The following TENM4 variants were observed in gnomAD, a reference collection of about 807,000 sequenced individuals.
TENM4 encodes teneurin-4.
A neutral mutation model predicts 243.3 loss-of-function variants in TENM4; 82 were observed. The ratio of observed to expected loss-of-function variants is 0.34; its 90% CI spans 0.28 to 0.40. The LOEUF is 0.40. Ranked by LOEUF, TENM4 falls within the 10% of genes least tolerant of loss-of-function variation. The pLI is 1.00. For synonymous variants in TENM4, 1,412 were observed against 1,456.3 expected, an observed-to-expected ratio of 0.97 and a Z score of 0.69; for missense variants, 3,138 against 3,673.3, an observed-to-expected ratio of 0.85 and a Z score of 3.77.
chr11:79,014,586 G>C (rs1430997459), intron 6 of TENM4: 1 of 152,190 alleles, frequency 6.6e-6, no homozygotes, highest in East Asian at 1.9e-4. Context: ...CACTTCATTA[G>C]GCCCCAAATG....
In TENM4 at chr11:79,111,430, AG is replaced by A. The variant is rs560537355; in HGVS notation, c.-66+37279del. ...CATGATGGCGGGCACCTGTAGTCTC[AG>A]CTACTTGGGAGGCTGAGGCAGGAGA... On this transcript the variant is annotated intron_variant, in intron 4 of 33. Coordinates refer to ENST00000278550, the MANE Select transcript of TENM4 (RefSeq NM_001098816.3). Among the ~76,000 whole-genome samples, 59 of 152,240 alleles carry A rather than the reference AG, an allele frequency of 3.9e-4. No homozygotes were observed. The South Asian group carries it at 0.011, about 29-fold the overall frequency.
chr11:79,137,546 TAGA>T (rs1862133711), intron 4 of TENM4, among the ~76,000 whole-genome samples: 2 of 152,154 alleles, frequency 1.3e-5, no homozygotes, highest in African/African-American at 2.4e-5. Flanking sequence ...GAATGTGTAG[TAGA>T]AGAAGGTTGT....
At chr11:78,732,835 T>C (rs1855700021) in intron 20 of TENM4, among the ~76,000 whole-genome samples, 1 of 152,174 alleles carries the variant, frequency 6.6e-6, no homozygotes, top group Non-Finnish European at 1.5e-5. Flanking sequence ...GAGCCATTTT[T>C]CAGGATACAC....
At chr11:79,239,772 G>A (rs942366722) in intron 2 of TENM4, among the ~76,000 whole-genome samples, 5 of 152,070 alleles carry the variant, frequency 3.3e-5, no homozygotes, top group African/African-American at 7.2e-5. Context: ...CTAGACCTGT[G>A]GGCTAAACAT....
chr11:78,988,856 T>G (rs1263925469), intron 6 of TENM4, among the ~76,000 whole-genome samples: 3 of 152,236 alleles, frequency 2.0e-5, no homozygotes, highest in Admixed American at 6.5e-5. Context: ...TTTTACTTTT[T>G]TGTGGAGACA....
At position 78,765,996 on chromosome 11, in the gene TENM4, G is replaced by C. The variant is rs567526338; in HGVS notation, c.2539+4996C>G. On this transcript the variant is annotated intron_variant, in intron 18 of 33. Coordinates refer to ENST00000278550, the MANE Select transcript of TENM4 (RefSeq NM_001098816.3). ...AAAATAGAATGTAAAATTTTATAGAGGACATAATTCCAATTTTTAAAAATA... is the reference window on the plus strand; with the variant it reads ...AAAATAGAATGTAAAATTTTATAGACGACATAATTCCAATTTTTAAAAATA... 3.1e-4 allele frequency among the ~76,000 whole-genome samples: 47 copies of C among 152,106 alleles called. 1 individual carries two copies. In the South Asian group the frequency reaches 9.6e-3, roughly 31 times the overall value.
intron 32 of TENM4, among the ~76,000 whole-genome samples, chr11:78,665,647 G>C (rs1367868907): frequency 6.6e-6 from 1 of 152,184 alleles, no homozygotes; most frequent in African/African-American, 2.4e-5. Flanking sequence ...TTTGGAATCA[G>C]AGCAGAGTTC....
intron 2 of TENM4, among the ~76,000 whole-genome samples, chr11:79,217,465 T>C (rs1011868519): frequency 6.6e-6 from 1 of 152,188 alleles, no homozygotes. Flanking sequence ...TTTTCCCAAA[T>C]AGATCTAGGA....
chr11:78,800,736 GGAGAGAGAGAGAGAGA>G (rs5792816), intron 15 of TENM4, among the ~76,000 whole-genome samples: 1 of 144,374 alleles, frequency 6.9e-6, no homozygotes, highest in Non-Finnish European at 1.5e-5. Context: ...AGTTCACAGG[GGAGAGAGAGAGAGAGA>G]GAGAGAGAGA....
intron 4 of TENM4, among the ~76,000 whole-genome samples, chr11:79,076,091 C>T (rs2137016180): frequency 6.6e-6 from 1 of 152,266 alleles, no homozygotes; most frequent in South Asian, 2.1e-4. Context: ...GGAGAGTAGG[C>T]CCAGAGGAGA....
intron 3 of TENM4, among the ~76,000 whole-genome samples, chr11:79,188,667 T>G (rs1590778230): frequency 1.2e-4 from 14 of 121,032 alleles, no homozygotes; most frequent in East Asian, 4.9e-4. Flanking sequence ...GAAGTGAGGA[T>G]GGGGATGGGG....
chr11:78,930,362 T>C (rs1219762462), intron 6 of TENM4, among the ~76,000 whole-genome samples: 1 of 152,220 alleles, frequency 6.6e-6, no homozygotes, highest in African/African-American at 2.4e-5. Flanking sequence ...CCACTGAATA[T>C]GGTCAAGTTT....
chr11:78,899,036 C>G (rs1855861412), intron 7 of TENM4, among the ~76,000 whole-genome samples: 1 of 152,148 alleles, frequency 6.6e-6, no homozygotes, highest in Admixed American at 6.5e-5. Context: ...GACACTTTTT[C>G]CACTGAGAAG....
At chr11:79,119,102 A>G (rs1427573230) in intron 4 of TENM4, among the ~76,000 whole-genome samples, 2 of 152,218 alleles carry the variant, frequency 1.3e-5, no homozygotes, top group Non-Finnish European at 2.9e-5. Context: ...GTCAGACATC[A>G]TTCTAGGTCC....
chr11:79,196,503 CCTA>C (rs1863630214), intron 3 of TENM4, among the ~76,000 whole-genome samples: 1 of 152,156 alleles, frequency 6.6e-6, no homozygotes. Flanking sequence ...AAACTGGGGT[CCTA>C]ACCCGACCTA....
At chr11:78,947,077 G>A (rs1857014612) in intron 6 of TENM4, among the ~76,000 whole-genome samples, 1 of 152,098 alleles carries the variant, frequency 6.6e-6, no homozygotes, top group Admixed American at 6.5e-5. Context: ...TTCTACTGTG[G>A]GTAAAATGCT....
intron 12 of TENM4, among the ~76,000 whole-genome samples, chr11:78,845,950 G>A (rs781323539): frequency 2.4e-4 from 37 of 152,154 alleles, no homozygotes; most frequent in Admixed American, 4.6e-4. Context: ...TCAGATGAGC[G>A]GACTGCAGGC....
chr11:79,078,029 G>C (rs887490607), intron 4 of TENM4, among the ~76,000 whole-genome samples: 2 of 152,138 alleles, frequency 1.3e-5, no homozygotes, highest in Admixed American at 1.3e-4. Flanking sequence ...CCTTCACATG[G>C]GTTCCAGCAA....
At chr11:78,901,062 G>A (rs928242838) in intron 7 of TENM4, among the ~76,000 whole-genome samples, 1 of 152,128 alleles carries the variant, frequency 6.6e-6, no homozygotes, top group South Asian at 2.1e-4. Flanking sequence ...GAAGGTGAGC[G>A]ACTCTGGCAG....
Sources: gnomAD v4.1 joint callset for allele counts (sites outside exome capture counted in the v4.1 genomes callset) on GRCh38, gnomAD v4.1.1 for gene constraint, MANE v1.5 for transcripts, NCBI Gene and HGNC (gene_info 2026-07-23, HGNC 2026-07-21) for gene names.